Variants in DAAM1 observed in about 807,000 individuals in gnomAD.
DAAM1 encodes dishevelled associated activator of morphogenesis 1, also known as disheveled-associated activator of morphogenesis 1.
In DAAM1, 52 loss-of-function variants were observed where a neutral mutation model predicts 130.0. The observed-to-expected ratio is 0.40, with a 90% CI of 0.32 to 0.50. DAAM1 has a LOEUF of 0.50. DAAM1 is among the 20% of genes least tolerant of loss of function. The pLI, the probability that DAAM1 is intolerant of heterozygous loss-of-function variation, is 0.61. For synonymous variants in DAAM1, 452 were observed against 444.5 expected (o/e 1.02, Z -0.21); for missense variants, 1,134 against 1,303.8 (o/e 0.87, Z 2.01).
intron 1 of DAAM1, among the ~76,000 whole-genome samples, chr14:59,247,693 G>GA (rs1363869523): frequency 2.0e-5 from 3 of 150,600 alleles, no homozygotes; most frequent in Non-Finnish European, 4.4e-5. Context: ...TAATTAAGGA[G>GA]AAAAAATGTA....
At chr14:59,271,040 G>T (rs1218964541) in intron 2 of DAAM1, among the ~76,000 whole-genome samples, 2 of 152,082 alleles carry the variant, frequency 1.3e-5, no homozygotes, top group Non-Finnish European at 2.9e-5. Context: ...TGAATTTATG[G>T]CTAGTTGGAA....
intron 2 of DAAM1, among the ~76,000 whole-genome samples, chr14:59,285,978 C>T (rs1304008135): frequency 2.6e-5 from 4 of 152,120 alleles, no homozygotes; most frequent in African/African-American, 7.2e-5. Context: ...ATATTTTGCT[C>T]ATCTCACATG....
chr14:59,332,480 A>G (rs1885480230), intron 15 of DAAM1, among the ~76,000 whole-genome samples: 1 of 152,206 alleles, frequency 6.6e-6, no homozygotes, highest in Admixed American at 6.5e-5. Context: ...GGGAGATGGT[A>G]ATGGTGCAAA....
chr14:59,344,121 A>G (rs1885968522), intron 16 of DAAM1, among the ~76,000 whole-genome samples: 1 of 152,158 alleles, frequency 6.6e-6, no homozygotes, highest in Admixed American at 6.5e-5. Context: ...CCTGAAACAC[A>G]GTTTTATGAA....
At chr14:59,261,208 A>T (rs923855520) in intron 1 of DAAM1, among the ~76,000 whole-genome samples, 1 of 152,056 alleles carries the variant, frequency 6.6e-6, no homozygotes, top group South Asian at 2.1e-4. Context: ...TGTTTTCCAT[A>T]TTCTGTCAAA....
chr14:59,280,950 C>G (rs1021643206), intron 2 of DAAM1, among the ~76,000 whole-genome samples: 2 of 152,136 alleles, frequency 1.3e-5, no homozygotes, highest in South Asian at 2.1e-4. Flanking sequence ...CCTCCTCTCC[C>G]CTTTCCCTCT....
At chr14:59,364,973 A>G (rs1886858838) in intron 23 of DAAM1, among the ~76,000 whole-genome samples, 1 of 152,192 alleles carries the variant, frequency 6.6e-6, no homozygotes, top group Admixed American at 6.5e-5. Context: ...TTTGTGCTTC[A>G]TAAAGGAAGA....
intron 1 of DAAM1, among the ~76,000 whole-genome samples, chr14:59,226,619 G>A (rs923082204): frequency 6.6e-6 from 1 of 152,194 alleles, no homozygotes; most frequent in African/African-American, 2.4e-5. Context: ...CTGTATGCTA[G>A]GCAGGCAAAA....
At chr14:59,306,699 T>TA (rs1201112967) in intron 3 of DAAM1, among the ~76,000 whole-genome samples, 2 of 152,084 alleles carry the variant, frequency 1.3e-5, no homozygotes, top group East Asian at 3.9e-4. Context: ...TTTTTTTTTT[T>TA]AATCAATAAT....
Position 59,323,109 on chromosome 14 carries a change from A to C in DAAM1, c.658A>C (p.Lys220Gln). 1.2e-6 allele frequency: 2 copies of C among 1,613,644 alleles called. No individual in the cohort carries two copies. The highest frequency in any genetic ancestry group is 1.7e-6 in the Non-Finnish European group (2 of 1,179,770). ...TCTGAGCACAGAGAACATTAAAACG[A>C]AGGTGGCCGTGCTGGAAATCTTGGG... is the stretch of plus-strand genomic sequence containing the variant. Reference protein sequence around the residue: ...QSLSTENIKTKVAVLEILGAV... With the variant: ...QSLSTENIKTQVAVLEILGAV... The change falls in exon 6 of 25, where the codon AAG becomes CAG. Residue 220 changes from lysine to glutamine, a missense_variant. Coordinates refer to ENST00000360909, the MANE Select transcript of DAAM1 (RefSeq NM_001270520.2).
At chr14:59,216,679 C>T (rs1292035790) in intron 1 of DAAM1, among the ~76,000 whole-genome samples, 5 of 151,798 alleles carry the variant, frequency 3.3e-5, no homozygotes, top group Admixed American at 3.3e-4. Context: ...GATATTGCAC[C>T]ACTACACTCC....
intron 17 of DAAM1, among the ~76,000 whole-genome samples, chr14:59,349,208 G>A (rs1355733684): frequency 3.3e-5 from 5 of 152,210 alleles, no homozygotes; most frequent in African/African-American, 1.2e-4. Context: ...GAAGGACTAT[G>A]TGTAAAGCCA....
At chr14:59,348,708 G>A (rs1214795030) in intron 17 of DAAM1, among the ~76,000 whole-genome samples, 2 of 152,170 alleles carry the variant, frequency 1.3e-5, no homozygotes, top group African/African-American at 4.8e-5. Context: ...CAGTAATCCT[G>A]AGTGGTGAAG....
chr14:59,334,982 AG>A (rs1347600231), intron 15 of DAAM1, among the ~76,000 whole-genome samples: 1 of 152,180 alleles, frequency 6.6e-6, no homozygotes, highest in Admixed American at 6.5e-5. Context: ...ATCAACCTTA[AG>A]ATTTAGTTCT....
At chr14:59,278,927 T>C (rs1387703054) in intron 2 of DAAM1, among the ~76,000 whole-genome samples, 1 of 139,890 alleles carries the variant, frequency 7.1e-6, no homozygotes, top group Non-Finnish European at 1.6e-5. Flanking sequence ...CTCCTTGGTT[T>C]ATCTAATGTT....
At chr14:59,291,576 T>C in intron 3 of DAAM1, 1 of 383,990 alleles carries the variant, frequency 2.6e-6, no homozygotes, top group East Asian at 6.2e-5. Flanking sequence ...ACAAGACAAA[T>C]TCCCCCCAAC....
intron 17 of DAAM1, among the ~76,000 whole-genome samples, chr14:59,350,480 C>CGT (rs1886250743): frequency 7.1e-6 from 1 of 141,556 alleles, no homozygotes; most frequent in Admixed American, 7.1e-5. Flanking sequence ...CACACACACA[C>CGT]GTCTTATGCA....
At chr14:59,348,887 A>G (rs1886181606) in intron 17 of DAAM1, among the ~76,000 whole-genome samples, 1 of 152,176 alleles carries the variant, frequency 6.6e-6, no homozygotes, top group South Asian at 2.1e-4. Flanking sequence ...TCCTGGGGGA[A>G]ATCCCTCACA....
intron 1 of DAAM1, among the ~76,000 whole-genome samples, chr14:59,201,189 C>T (rs1191076430): frequency 1.4e-5 from 2 of 144,490 alleles, no homozygotes; most frequent in African/African-American, 5.1e-5. Flanking sequence ...AAAAAATCCT[C>T]AGGTGATTCT....
Sources: gnomAD v4.1 joint callset for allele counts (sites outside exome capture counted in the v4.1 genomes callset) on GRCh38, gnomAD v4.1.1 for gene constraint, MANE v1.5 for transcripts, NCBI Gene and HGNC (gene_info 2026-07-23, HGNC 2026-07-21) for gene names.